Variants in PCDHGA12 observed in about 807,000 individuals in gnomAD.
PCDHGA12 encodes protocadherin gamma subfamily A, 12, also known as protocadherin gamma-A12.
Under a neutral mutation model 61.1 loss-of-function variants are expected in PCDHGA12, and 43 were observed. The ratio of observed to expected loss-of-function variants is 0.70; its 90% confidence interval spans 0.55 to 0.91. The LOEUF (loss-of-function observed/expected upper bound fraction) is 0.91, where lower values mean the gene tolerates loss of function less well. Among genes scored for constraint, PCDHGA12 ranks in the 40% least tolerant of loss-of-function variants. PCDHGA12 has a pLI of 0.00. For synonymous variants in PCDHGA12, 520 were observed against 542.9 expected, an observed-to-expected ratio of 0.96 and a Z score of 0.59; for missense variants, 1,236 against 1,227.7, an observed-to-expected ratio of 1.01 and a Z score of -0.10.
chr5:141,491,783 A>C lies in PCDHGA12; in HGVS notation c.2425-3024A>C. 1 of 1,539,736 alleles carries C rather than the reference A, an allele frequency of 6.5e-7. No individual in the cohort carries two copies. The highest frequency in any genetic ancestry group is 1.2e-5 in the South Asian group (1 of 82,444). On this transcript the variant is annotated intron_variant, in intron 1 of 3. Coordinates refer to ENST00000252085, the MANE Select transcript of PCDHGA12 (RefSeq NM_003735.3). The surrounding 1 kb of genome is among the most constrained non-coding windows in gnomAD (Gnocchi z 6.9). ...CGTCCTCATAAGGGATTGAACTTGC[A>C]TCCACTCCTCTCCGGCCGGCTTGGT...
chr5:141,491,528 C>T lies in PCDHGA12; in HGVS notation c.2425-3279C>T, dbSNP rs745806026. ...GGCACGCTCAAGTACATGGAGGTGACGCTGCGGCCCACAGACTCGCAGAGC... is the reference window on the plus strand; with the variant it reads ...GGCACGCTCAAGTACATGGAGGTGATGCTGCGGCCCACAGACTCGCAGAGC... On this transcript the variant is annotated intron_variant, in intron 1 of 3. Coordinates refer to ENST00000252085, the MANE Select transcript of PCDHGA12 (RefSeq NM_003735.3). The surrounding 1 kb of genome is among the most constrained non-coding windows in gnomAD (Gnocchi z 6.9). 4 of 1,613,950 alleles carry T rather than the reference C, an allele frequency of 2.5e-6. No individual in the cohort carries two copies. Among genetic ancestry groups the T allele is most frequent in the South Asian group, 1.1e-5 (1 of 91,092 alleles).
chr5:141,436,998 A>G (rs985067199), intron 1 of PCDHGA12, among the ~76,000 whole-genome samples: 23 of 152,242 alleles, frequency 1.5e-4, no homozygotes, highest in South Asian at 2.1e-4. Flanking sequence ...GTTTACTTCA[A>G]TGGGATCTTA....
At position 141,476,689 on chromosome 5, in the gene PCDHGA12, C is replaced by A; in HGVS notation, c.2425-18118C>A. Reference sequence around the variant, plus strand: ...GCGTGCAGACGCGGGAGGACAGCACCAAGTACGCGGAGCTGGTGTTGGAGC... The same window carrying A: ...GCGTGCAGACGCGGGAGGACAGCACAAAGTACGCGGAGCTGGTGTTGGAGC... On this transcript the variant is annotated intron_variant, in intron 1 of 3. Transcript: ENST00000252085. The surrounding 1 kb of genome is among the most constrained non-coding windows in gnomAD (Gnocchi z 7.6). The A allele has an allele frequency of 1.9e-6, 3 of 1,614,226 alleles. No homozygotes were observed. Among genetic ancestry groups the A allele is most frequent in the Non-Finnish European group, 2.5e-6 (3 of 1,180,046 alleles).
chr5:141,494,812 C>G lies in PCDHGA12; in HGVS notation c.2430C>G (p.Ala810=). The part of the protein sequence containing the change: ...SKDSHGLIEQ[A]PPNTDWRFSQ... ...TCCCTCTGTTTTCTCCACAGCAAGCCCCGCCCAACACGGACTGGCGTTTCT... is the reference window on the plus strand; with the variant it reads ...TCCCTCTGTTTTCTCCACAGCAAGCGCCGCCCAACACGGACTGGCGTTTCT... The change falls in exon 2 of 4, where the codon GCC becomes GCG. Residue 810 remains alanine, a synonymous_variant. Coordinates refer to ENST00000252085, the MANE Select transcript of PCDHGA12 (RefSeq NM_003735.3). 4 of 1,614,146 alleles carry G rather than the reference C, an allele frequency of 2.5e-6. No homozygotes were observed. The highest frequency in any genetic ancestry group is 3.4e-6 in the Non-Finnish European group (4 of 1,180,016).
chr5:141,471,626 G>A (rs938624727), intron 1 of PCDHGA12: 2 of 152,108 alleles, frequency 1.3e-5, no homozygotes, highest in South Asian at 4.1e-4. Context: ...GTAAGCATTG[G>A]TATGGATTAG....
At chr5:141,488,389 A>G (rs1322717951) in intron 1 of PCDHGA12, among the ~76,000 whole-genome samples, 1 of 152,224 alleles carries the variant, frequency 6.6e-6, no homozygotes, top group East Asian at 1.9e-4. Context: ...GAATTTGGTG[A>G]AACCATGAAA....
intron 1 of PCDHGA12, chr5:141,478,790 C>T: frequency 6.8e-7 from 1 of 1,472,906 alleles, no homozygotes. Flanking sequence ...AATTCACATC[C>T]TCAGCACTCT....
chr5:141,490,605 C>A lies in PCDHGA12; in HGVS notation c.2425-4202C>A. On this transcript the variant is annotated intron_variant, in intron 1 of 3. Transcript: ENST00000252085. The surrounding 1 kb of genome is among the most constrained non-coding windows in gnomAD (Gnocchi z 5.4). ...TCAATGACAATGCACCCCGCTTCAA[C>A]CAGCAGCTTTACACTGCTTACATCC... 6.2e-6 allele frequency: 10 copies of A among 1,614,198 alleles called. No individual in the cohort carries two copies. The highest frequency in any genetic ancestry group is 8.5e-6 in the Non-Finnish European group (10 of 1,180,030).
In PCDHGA12 at chr5:141,476,299, C is replaced by T; in HGVS notation, c.2425-18508C>T. ...ACCTTGGTTTGGATCTCGGTAGCCT[C>T]TCAGCCCGCAGGTTCCGGGTGGTGT... On this transcript the variant is annotated intron_variant, in intron 1 of 3. Transcript: ENST00000252085. The surrounding 1 kb of genome is among the most constrained non-coding windows in gnomAD (Gnocchi z 7.6). The T allele has an allele frequency of 6.2e-7, 1 of 1,614,100 alleles. No individual in the cohort carries two copies. The highest frequency in any genetic ancestry group is 1.1e-5 in the South Asian group (1 of 91,074).
intron 2 of PCDHGA12, among the ~76,000 whole-genome samples, chr5:141,500,894 C>CAG (rs10656935): frequency 0.58 from 88,074 of 150,994 alleles, 27,125 homozygotes; most frequent in African/African-American, 0.78. Flanking sequence ...TTTTTTGAGA[C>CAG]AGTCTCGCTC....
Position 141,511,103 on chromosome 5 carries a change from A to G in PCDHGA12, c.2729A>G (p.Lys910Arg), listed in dbSNP as rs779731716. The G allele has an allele frequency of 6.2e-7, 1 of 1,614,214 alleles. No individual in the cohort carries two copies. The highest frequency in any genetic ancestry group is 8.5e-7 in the Non-Finnish European group (1 of 1,180,026). The change falls in exon 4 of 4, where the codon AAG becomes AGG. Residue 910 changes from lysine to arginine, a missense_variant. By Grantham distance (26) the Lys-to-Arg change is conservative. Coordinates refer to ENST00000252085, the MANE Select transcript of PCDHGA12 (RefSeq NM_003735.3). ...SNATLTNAAGKRDGKAPAGGN... is the reference protein window; with the variant it reads ...SNATLTNAAGRRDGKAPAGGN... ...GCCACACTGACCAACGCAGCTGGCA[A>G]GCGGGATGGCAAGGCCCCAGCAGGT...
At chr5:141,443,713 A>G (rs774603084) in intron 1 of PCDHGA12, among the ~76,000 whole-genome samples, 19 of 152,246 alleles carry the variant, frequency 1.2e-4, no homozygotes, top group Admixed American at 8.5e-4. Flanking sequence ...ACATTTGCAT[A>G]TAAAATTCCT....
intron 1 of PCDHGA12, among the ~76,000 whole-genome samples, chr5:141,455,998 T>C (rs1301217416): frequency 2.6e-5 from 4 of 151,692 alleles, no homozygotes; most frequent in Non-Finnish European, 4.4e-5. Flanking sequence ...CTCGGGTTCA[T>C]GCCATTCTCC....
chr5:141,430,873 G>C lies in PCDHGA12; in HGVS notation c.114G>C (p.Glu38Asp), dbSNP rs2097319709. The C allele has an allele frequency of 6.3e-7, 1 of 1,598,842 alleles. No homozygotes were observed. The highest frequency in any genetic ancestry group is 1.3e-5 in the African/African-American group (1 of 74,268). ...AGATACGCTATTCAGTTCCGGAAGA[G>C]CTGGAGAAAGGCTCTAGGGTGGGCG... ...CTQIRYSVPE[E>D]LEKGSRVGDI... The change falls in exon 1 of 4, where the codon GAG (glutamate) becomes GAC (aspartate). Residue 38 changes from glutamate to aspartate, a missense_variant. Coordinates refer to ENST00000252085, the MANE Select transcript of PCDHGA12 (RefSeq NM_003735.3).
rs148641580 is a variant in PCDHGA12 at position 141,437,874 on chromosome 5, A to C, written c.2424+4691A>C. 3.9e-4 allele frequency among the ~76,000 whole-genome samples: 59 copies of C among 151,954 alleles called. 1 individual carries two copies. In the East Asian group the frequency reaches 5.8e-3, roughly 15 times the overall value. Reference sequence around the variant, plus strand: ...TGCCTTAGCCTCCCGAGTAGCTGGGACTACAGGCACACGCCACCACACCCA... The same window carrying C: ...TGCCTTAGCCTCCCGAGTAGCTGGGCCTACAGGCACACGCCACCACACCCA... On this transcript the variant is annotated intron_variant, in intron 1 of 3. Transcript: ENST00000252085.
At chr5:141,497,142 C>T (rs1316569011) in intron 2 of PCDHGA12, among the ~76,000 whole-genome samples, 2 of 149,678 alleles carry the variant, frequency 1.3e-5, no homozygotes, top group South Asian at 2.1e-4. Context: ...GCTGAGATCA[C>T]GAAAAAAAAA....
In PCDHGA12 at chr5:141,485,109, C is replaced by A; in HGVS notation, c.2425-9698C>A. ...AGATAGGTGTCTCCAGCTGCTGTGG[C>A]TGTTTGGGGCGGGTCGGCTTCATCC... On this transcript the variant is annotated intron_variant, in intron 1 of 3. Transcript: ENST00000252085. This position sits in a 1 kb window ranked among gnomAD's most constrained non-coding sequence, Gnocchi z 5.7. The A allele has an allele frequency of 1.6e-6, 2 of 1,230,962 alleles. No individual in the cohort carries two copies. The highest frequency in any genetic ancestry group is 2.4e-6 in the Non-Finnish European group (2 of 850,024). The allele number at this position is 1,230,962 out of a possible 1,614,324, so 76.3% of individuals were successfully genotyped here.
In PCDHGA12 at chr5:141,476,868, C is replaced by G. The variant is rs1213404395; in HGVS notation, c.2425-17939C>G. On this transcript the variant is annotated intron_variant, in intron 1 of 3. Transcript: ENST00000252085. This position sits in a 1 kb window ranked among gnomAD's most constrained non-coding sequence, Gnocchi z 7.6. Reference sequence around the variant, plus strand: ...GTCTTCAACCAGTCCTTGTACCGGGCGCGCGTCCTGGAGGATGCACCCTCC... The same window carrying G: ...GTCTTCAACCAGTCCTTGTACCGGGGGCGCGTCCTGGAGGATGCACCCTCC... 2.5e-6 allele frequency: 4 copies of G among 1,613,874 alleles called. No homozygotes were observed. Among genetic ancestry groups the G allele is most frequent in the Non-Finnish European group, 3.4e-6 (4 of 1,180,050 alleles).
intron 1 of PCDHGA12, among the ~76,000 whole-genome samples, chr5:141,482,782 G>T (rs775083331): frequency 1.6e-4 from 25 of 152,154 alleles, no homozygotes; most frequent in Non-Finnish European, 3.2e-4. Context: ...ACCTTAAACT[G>T]TGTGTGTGGC....
Sources: allele counts gnomAD v4.1 joint callset (sites outside exome capture counted in the v4.1 genomes callset), GRCh38; gene constraint gnomAD v4.1.1; non-coding constraint Gnocchi (gnomAD v3.1); transcripts MANE v1.5; gene names NCBI Gene and HGNC (gene_info 2026-07-23, HGNC 2026-07-21).